Variants in MRPS28 observed in about 807,000 individuals in gnomAD.
MRPS28 encodes mitochondrial ribosomal protein S28.
MRPS28 carries 7 observed loss-of-function variants against 10.8 expected under a neutral mutation model. That is an observed-to-expected ratio of 0.65 (90% CI 0.37 to 1.22). The LOEUF is 1.22. Ranked by LOEUF, MRPS28 falls within the 50% of genes most tolerant of loss-of-function variation. The probability of loss-of-function intolerance (pLI) is 0.02; values close to 1 mark genes in which losing one functional copy is unlikely to be tolerated. For synonymous variants in MRPS28, 121 were observed against 93.3 expected, an observed-to-expected ratio of 1.30 and a Z score of -1.71; for missense variants, 265 against 232.9, an observed-to-expected ratio of 1.14 and a Z score of -0.90.
intron 1 of MRPS28, among the ~76,000 whole-genome samples, chr8:80,016,817 C>G (rs1809208705): frequency 6.6e-5 from 10 of 152,058 alleles, no homozygotes; most frequent in Admixed American, 6.5e-4. Context: ...CAAAAACTGA[C>G]AAAACTGCAA....
At chr8:79,938,681 A>G (rs1002362380) in intron 2 of MRPS28, among the ~76,000 whole-genome samples, 4 of 152,134 alleles carry the variant, frequency 2.6e-5, no homozygotes, top group Non-Finnish European at 4.4e-5. Flanking sequence ...TTAGAGCCAA[A>G]CCAAATGTTC....
chr8:79,928,439 GTA>G (rs137936192), intron 2 of MRPS28, among the ~76,000 whole-genome samples: 8 of 149,128 alleles, frequency 5.4e-5, no homozygotes, highest in East Asian at 3.9e-4. Flanking sequence ...CCAATTTGGA[GTA>G]TATATATATA....
At chr8:79,933,850 T>G (rs1434803906) in intron 2 of MRPS28, among the ~76,000 whole-genome samples, 1 of 152,240 alleles carries the variant, frequency 6.6e-6, no homozygotes, top group East Asian at 1.9e-4. Context: ...GGTGTTCCTT[T>G]GACTATCTTA....
chr8:79,993,560 C>G (rs1246801583), intron 2 of MRPS28, among the ~76,000 whole-genome samples: 1 of 152,108 alleles, frequency 6.6e-6, no homozygotes, highest in East Asian at 1.9e-4. Flanking sequence ...TGGAACATCT[C>G]TAAGATCATA....
At chr8:79,977,853 T>C (rs1807845769) in intron 2 of MRPS28, among the ~76,000 whole-genome samples, 1 of 151,700 alleles carries the variant, frequency 6.6e-6, no homozygotes, top group African/African-American at 2.4e-5. Flanking sequence ...TAAAGATATA[T>C]GTATAGGAAG....
chr8:80,018,622 A>G (rs1809270303), intron 1 of MRPS28, among the ~76,000 whole-genome samples: 1 of 152,212 alleles, frequency 6.6e-6, no homozygotes, highest in Admixed American at 6.5e-5. Flanking sequence ...GAGCCACCAT[A>G]TGATCCAGCA....
At chr8:79,929,405 A>G (rs1806398955) in intron 2 of MRPS28, among the ~76,000 whole-genome samples, 1 of 152,188 alleles carries the variant, frequency 6.6e-6, no homozygotes, top group African/African-American at 2.4e-5. Flanking sequence ...GTGCAACACA[A>G]TTAGAGGGTC....
chr8:79,928,807 A>AG (rs369810751), intron 2 of MRPS28, among the ~76,000 whole-genome samples: 151,257 of 151,260 alleles, frequency 1, 75,627 homozygotes, highest in Middle Eastern at 1. Flanking sequence ...AGCACTTTGG[A>AG]GCTGAGTGGG....
intron 2 of MRPS28, among the ~76,000 whole-genome samples, chr8:79,964,631 C>T (rs1209404193): frequency 1.3e-5 from 2 of 151,732 alleles, no homozygotes. Context: ...TTCTCATCTG[C>T]AAAAATGAAA....
At chr8:80,006,367 C>A (rs1211081867) in intron 1 of MRPS28, among the ~76,000 whole-genome samples, 1 of 152,170 alleles carries the variant, frequency 6.6e-6, no homozygotes, top group East Asian at 1.9e-4. Flanking sequence ...GAACAACCTG[C>A]TCCTGAATGA....
At chr8:79,938,412 G>T (rs1009306708) in intron 2 of MRPS28, among the ~76,000 whole-genome samples, 11 of 139,326 alleles carry the variant, frequency 7.9e-5, no homozygotes, top group Admixed American at 6.8e-4. Context: ...TGTTCTCTCT[G>T]ATTGTGGGCT....
At chr8:79,958,116 T>C in intron 2 of MRPS28, 2 of 337,558 alleles carry the variant, frequency 5.9e-6, no homozygotes, top group Non-Finnish European at 1.1e-5. Flanking sequence ...TTTTAGAACA[T>C]TTTCATCACC....
intron 2 of MRPS28, among the ~76,000 whole-genome samples, chr8:79,947,388 G>A (rs985468117): frequency 1.3e-5 from 2 of 151,882 alleles, no homozygotes; most frequent in Admixed American, 1.3e-4. Context: ...GATATTTTAG[G>A]TCTTTTACCT....
chr8:79,929,543 T>A (rs1362575335), intron 2 of MRPS28, among the ~76,000 whole-genome samples: 2 of 152,148 alleles, frequency 1.3e-5, no homozygotes, highest in African/African-American at 4.8e-5. Flanking sequence ...TAAACCTGTC[T>A]GAATTTGCAA....
At chr8:79,922,380 G>A (rs187303579) in intron 2 of MRPS28, among the ~76,000 whole-genome samples, 258 of 152,226 alleles carry the variant, frequency 1.7e-3, no homozygotes, top group African/African-American at 5.7e-3. Flanking sequence ...CAGTTAGATA[G>A]GAGGAGTAAG....
intron 2 of MRPS28, among the ~76,000 whole-genome samples, chr8:79,928,102 T>G (rs1048104461): frequency 6.6e-6 from 1 of 151,690 alleles, no homozygotes; most frequent in African/African-American, 2.4e-5. Context: ...GGCAGGAGGA[T>G]AGCTTGAGTC....
chr8:79,974,723 T>C (rs1444974188), intron 2 of MRPS28, among the ~76,000 whole-genome samples: 2 of 152,036 alleles, frequency 1.3e-5, no homozygotes. Flanking sequence ...ATAAAGCTCA[T>C]AGGAAATGAT....
At chr8:79,937,395 G>A (rs912324170) in intron 2 of MRPS28, among the ~76,000 whole-genome samples, 2 of 152,162 alleles carry the variant, frequency 1.3e-5, no homozygotes, top group African/African-American at 2.4e-5. Flanking sequence ...TTGAGCGACT[G>A]GGGGCAGAAA....
At chr8:79,976,693 G>A (rs1807812622) in intron 2 of MRPS28, among the ~76,000 whole-genome samples, 1 of 152,118 alleles carries the variant, frequency 6.6e-6, no homozygotes, top group Non-Finnish European at 1.5e-5. Flanking sequence ...GCAACAGAGT[G>A]AGACTCTGTC....
Sources: gnomAD v4.1 joint callset for allele counts (sites outside exome capture counted in the v4.1 genomes callset) on GRCh38, gnomAD v4.1.1 for gene constraint, MANE v1.5 for transcripts, NCBI Gene and HGNC (gene_info 2026-07-23, HGNC 2026-07-21) for gene names.